The following SLC13A3 variants were observed in gnomAD, a reference collection of about 807,000 sequenced individuals.
The protein encoded by SLC13A3 is Na(+)/dicarboxylate cotransporter 3.
A neutral mutation model predicts 59.0 loss-of-function variants in SLC13A3; 40 were observed. The observed-to-expected ratio is 0.68, with a 90% confidence interval of 0.53 to 0.88. The LOEUF is 0.88. SLC13A3 is among the 40% of genes least tolerant of loss of function. The probability of loss-of-function intolerance (pLI) is 0.00; values close to 1 mark genes in which losing one functional copy is unlikely to be tolerated. For missense variants in SLC13A3, 699 were observed against 783.2 expected, an observed-to-expected ratio of 0.89 and a Z score of 1.28; for synonymous variants, 317 against 330.3, an observed-to-expected ratio of 0.96 and a Z score of 0.44.
intron 1 of SLC13A3, among the ~76,000 whole-genome samples, chr20:46,658,367 G>C (rs1443747783): frequency 1.3e-5 from 2 of 152,254 alleles, no homozygotes; most frequent in African/African-American, 2.4e-5. Flanking sequence ...GGATCAACTG[G>C]AAACAGCATG....
intron 12 of SLC13A3, among the ~76,000 whole-genome samples, chr20:46,562,136 C>T (rs548980127): frequency 9.0e-4 from 137 of 152,312 alleles, no homozygotes; most frequent in African/African-American, 3.2e-3. Flanking sequence ...CCCTCCCACC[C>T]TAACGATTCA....
In SLC13A3 at chr20:46,583,567, C is replaced by T. The variant is rs1224252572; in HGVS notation, c.1219+5G>A. ...CCACCGAGACCCCAGCCTTGACCAC[C>T]TTACCTTTGAAGTCAAACCACCACT... On this transcript the variant is annotated splice_donor_5th_base_variant and intron_variant, in intron 9 of 12. Coordinates refer to ENST00000279027, the MANE Select transcript of SLC13A3 (RefSeq NM_022829.6). 3 of 1,613,736 alleles carry T rather than the reference C, an allele frequency of 1.9e-6. No homozygotes were observed. The highest frequency in any genetic ancestry group is 2.5e-6 in the Non-Finnish European group (3 of 1,179,962).
chr20:46,602,004 G>A (rs1207236338), intron 3 of SLC13A3, among the ~76,000 whole-genome samples: 2 of 152,172 alleles, frequency 1.3e-5, no homozygotes, highest in Non-Finnish European at 2.9e-5. Flanking sequence ...CATTTGAGCA[G>A]AGGAGGCTCA....
At chr20:46,604,281 T>G (rs73908939) in intron 3 of SLC13A3, among the ~76,000 whole-genome samples, 9,178 of 152,096 alleles carry the variant, frequency 0.06, 347 homozygotes, top group African/African-American at 0.11. Context: ...CCAGATCCTG[T>G]CCTGGGTTCC....
chr20:46,614,860 A>C (rs556967184), intron 1 of SLC13A3, among the ~76,000 whole-genome samples: 154 of 152,306 alleles, frequency 1.0e-3, no homozygotes, highest in Admixed American at 1.1e-3. Flanking sequence ...AGACAAAGTA[A>C]TTTAAATCTA....
At chr20:46,663,018 G>C (rs1440665786) in intron 1 of SLC13A3, among the ~76,000 whole-genome samples, 1 of 152,164 alleles carries the variant, frequency 6.6e-6, no homozygotes, top group Non-Finnish European at 1.5e-5. Flanking sequence ...GGCTGGGCAT[G>C]GTGTGTCACA....
At chr20:46,658,748 A>G (rs1221788684) in intron 1 of SLC13A3, among the ~76,000 whole-genome samples, 1 of 152,236 alleles carries the variant, frequency 6.6e-6, no homozygotes, top group Non-Finnish European at 1.5e-5. Context: ...CTTCAAATTT[A>G]GATTCTTAAA....
chr20:46,575,581 CT>C lies in SLC13A3; in HGVS notation c.1323del (p.Gly442AlafsTer61). ...LLLGGGFAMA[K>X]GCEESGLSVW... ...GAGCCAGGGGGTCTTACCTCACAGCCTTTGGCCATGGCGAAGCCCCCTCCCA... is the reference window on the plus strand; with the variant it reads ...GAGCCAGGGGGTCTTACCTCACAGCCTTGGCCATGGCGAAGCCCCCTCCCA... On this transcript the variant is annotated frameshift_variant, in exon 10 of 13. Coordinates refer to ENST00000279027, the MANE Select transcript of SLC13A3 (RefSeq NM_022829.6). LOFTEE classifies it high-confidence loss of function. 6.3e-7 allele frequency: 1 copy of C among 1,596,918 alleles called. No homozygotes were observed. Among genetic ancestry groups the C allele is most frequent in the Non-Finnish European group, 8.5e-7 (1 of 1,170,518 alleles).
intron 10 of SLC13A3, among the ~76,000 whole-genome samples, chr20:46,574,419 A>G (rs1387341289): frequency 1.3e-5 from 2 of 152,224 alleles, no homozygotes; most frequent in East Asian, 3.8e-4. Context: ...GTGGTGACAG[A>G]TGCTGGATGC....
At chr20:46,563,203 T>C (rs756964131) in intron 12 of SLC13A3, among the ~76,000 whole-genome samples, 32 of 152,174 alleles carry the variant, frequency 2.1e-4, no homozygotes, top group Non-Finnish European at 4.1e-4. Context: ...TTTTGGAAAG[T>C]AGTCACTAAG....
chr20:46,643,780 G>A (rs540933126), intron 1 of SLC13A3, among the ~76,000 whole-genome samples: 7 of 152,248 alleles, frequency 4.6e-5, no homozygotes, highest in Non-Finnish European at 1.0e-4. Context: ...ACAGTTGCTC[G>A]TGCCTGTAAT....
chr20:46,596,710 T>C (rs2062316281), intron 4 of SLC13A3, among the ~76,000 whole-genome samples: 1 of 152,218 alleles, frequency 6.6e-6, no homozygotes, highest in South Asian at 2.1e-4. Flanking sequence ...TCATAAACTA[T>C]AGTGAAAAGG....
chr20:46,670,858 A>G (rs1021851891), upstream of SLC13A3, among the ~76,000 whole-genome samples: 4 of 152,328 alleles, frequency 2.6e-5, no homozygotes, highest in Middle Eastern at 3.4e-3. Flanking sequence ...CTAAGGATGG[A>G]AAAGCAGAAA....
intron 1 of SLC13A3, among the ~76,000 whole-genome samples, chr20:46,664,279 G>A (rs1235096816): frequency 6.6e-6 from 1 of 152,136 alleles, no homozygotes; most frequent in African/African-American, 2.4e-5. Context: ...ATGTGAACTG[G>A]CTTTTTATCA....
intron 1 of SLC13A3, among the ~76,000 whole-genome samples, chr20:46,679,580 C>G (rs1217721418): frequency 6.6e-6 from 1 of 150,804 alleles, no homozygotes; most frequent in East Asian, 2.0e-4. Context: ...AGCCACTGCA[C>G]TCTAGCCTGG....
At chr20:46,582,450 T>A (rs63423364) in intron 9 of SLC13A3, among the ~76,000 whole-genome samples, 2 of 141,932 alleles carry the variant, frequency 1.4e-5, no homozygotes, top group African/African-American at 2.7e-5. Context: ...TTTTTTTTTT[T>A]AAATTAGCCA....
intron 8 of SLC13A3, chr20:46,585,565 G>C: frequency 9.2e-7 from 1 of 1,090,514 alleles, no homozygotes; most frequent in Non-Finnish European, 1.1e-6. Context: ...TAAGGGTATA[G>C]TTTAACAAGT....
intron 3 of SLC13A3, among the ~76,000 whole-genome samples, chr20:46,600,277 A>G (rs996747981): frequency 1.0e-4 from 14 of 139,000 alleles, no homozygotes; most frequent in African/African-American, 3.4e-4. Context: ...AAAGGAAAGG[A>G]AAGGAAAGGG....
At chr20:46,624,908 C>T (rs1776150451) in intron 1 of SLC13A3, among the ~76,000 whole-genome samples, 1 of 151,992 alleles carries the variant, frequency 6.6e-6, no homozygotes, top group African/African-American at 2.4e-5. Context: ...TATAGGAAAC[C>T]AGGAACTAGA....
Sources: allele counts gnomAD v4.1 joint callset (sites outside exome capture counted in the v4.1 genomes callset), GRCh38; gene constraint gnomAD v4.1.1; transcripts MANE v1.5; gene names NCBI Gene and HGNC (gene_info 2026-07-23, HGNC 2026-07-21).